Variants in SLC25A26 observed in about 807,000 individuals in gnomAD.
SLC25A26 encodes solute carrier family 25 member 26, also known as mitochondrial S-adenosylmethionine carrier protein.
Under a neutral mutation model 37.8 loss-of-function variants are expected in SLC25A26, and 36 were observed. That is an observed-to-expected ratio of 0.95 (90% CI 0.73 to 1.26). The LOEUF (loss-of-function observed/expected upper bound fraction) is 1.26. Among genes scored for constraint, SLC25A26 ranks in the 50% most tolerant of loss-of-function variants. The probability of loss-of-function intolerance (pLI) is 0.00; values close to 1 mark genes in which losing one functional copy is unlikely to be tolerated. For synonymous variants in SLC25A26, 129 were observed against 122.5 expected (o/e 1.05, Z -0.35); for missense variants, 390 against 331.1 (o/e 1.18, Z -1.38).
chr3:66,208,957 T>TAC (rs1233579813), intron 1 of SLC25A26, among the ~76,000 whole-genome samples: 1 of 106,282 alleles, frequency 9.4e-6, no homozygotes, highest in African/African-American at 3.8e-5. Flanking sequence ...TATATATATA[T>TAC]ACCCATATAA....
intron 6 of SLC25A26, among the ~76,000 whole-genome samples, chr3:66,352,303 C>G (rs1053701114): frequency 1.3e-5 from 2 of 152,184 alleles, no homozygotes; most frequent in Non-Finnish European, 2.9e-5. Flanking sequence ...AGCTTAAGCT[C>G]TGGCTGGCAA....
At chr3:66,250,253 G>T (rs923763890) in intron 3 of SLC25A26, among the ~76,000 whole-genome samples, 5 of 152,174 alleles carry the variant, frequency 3.3e-5, no homozygotes, top group Non-Finnish European at 4.4e-5. Flanking sequence ...CTTACCTAGT[G>T]ATGTGGATTT....
chr3:66,246,142 A>G (rs1406029092), intron 3 of SLC25A26, among the ~76,000 whole-genome samples: 5 of 152,208 alleles, frequency 3.3e-5, no homozygotes, highest in Non-Finnish European at 2.9e-5. Flanking sequence ...AGCATCTGTT[A>G]GTAGTTGGTT....
At chr3:66,270,064 G>A (rs1482080044) in intron 5 of SLC25A26, among the ~76,000 whole-genome samples, 1 of 152,094 alleles carries the variant, frequency 6.6e-6, no homozygotes. Flanking sequence ...AGAAAGGTGA[G>A]GGAGCTCTAA....
Position 66,377,722 on chromosome 3 carries a change from C to A in SLC25A26, c.740C>A (p.Ala247Asp), listed in dbSNP as rs144933969. 2 of 1,613,690 alleles carry A rather than the reference C, an allele frequency of 1.2e-6. No homozygotes were observed. Among genetic ancestry groups the A allele is most frequent in the Non-Finnish European group, 1.7e-6 (2 of 1,179,818 alleles). ...GCAGGTGTCTTCCCTCGAATGGCAG[C>A]CATCAGTCTGGGAGGTTTCATCTTT... Reference protein sequence around the residue: ...LFAGVFPRMAAISLGGFIFLG... With the variant: ...LFAGVFPRMADISLGGFIFLG... The change falls in exon 10 of 10, where the codon GCC becomes GAC. Residue 247 changes from alanine to aspartate, a missense_variant. Ala to Asp is a moderately radical substitution (Grantham distance 126, BLOSUM62 -2). Transcript: ENST00000354883.
chr3:66,282,136 C>T (rs1282191663), intron 5 of SLC25A26, among the ~76,000 whole-genome samples: 7 of 151,932 alleles, frequency 4.6e-5, no homozygotes, highest in East Asian at 1.9e-4. Flanking sequence ...CTCAGCCTCC[C>T]GAGTAGCTGG....
At chr3:66,176,420 C>T (rs988610695) in intron 1 of SLC25A26, among the ~76,000 whole-genome samples, 1 of 152,158 alleles carries the variant, frequency 6.6e-6, no homozygotes. Context: ...TTAGAAGTGA[C>T]AGTCCTTGCT....
At chr3:66,269,464 T>G (rs973856357) in intron 5 of SLC25A26, among the ~76,000 whole-genome samples, 1 of 152,184 alleles carries the variant, frequency 6.6e-6, no homozygotes, top group Non-Finnish European at 1.5e-5. Flanking sequence ...ACTGGCTACT[T>G]ATGTAGGAAA....
chr3:66,368,837 G>A (rs1026745042), intron 7 of SLC25A26, among the ~76,000 whole-genome samples: 1 of 152,046 alleles, frequency 6.6e-6, no homozygotes, highest in Non-Finnish European at 1.5e-5. Context: ...GGGCAACAGA[G>A]CAAGACCCTG....
At chr3:66,371,060 T>TAC in intron 9 of SLC25A26, 5 of 1,265,782 alleles carry the variant, frequency 4.0e-6, no homozygotes, top group Non-Finnish European at 5.2e-6. Context: ...ACCATTGTGC[T>TAC]ACAGAAGTGC....
At chr3:66,331,423 C>A (rs1021566957) in intron 5 of SLC25A26, among the ~76,000 whole-genome samples, 3 of 152,100 alleles carry the variant, frequency 2.0e-5, no homozygotes, top group Non-Finnish European at 4.4e-5. Flanking sequence ...AAAAAAATCC[C>A]ATTTAGTCAT....
At position 66,368,472 on chromosome 3, in the gene SLC25A26, G is replaced by A. The variant is rs919367990; in HGVS notation, c.569-1006G>A. The stretch of plus-strand genomic sequence containing the variant: ...AACGCAAACATGAGAGAGAAGGTTA[G>A]GAAGGAAGCCATAATGTGGAATGTG... On this transcript the variant is annotated intron_variant, in intron 7 of 9. Coordinates refer to ENST00000354883, the MANE Select transcript of SLC25A26 (RefSeq NM_001379210.1). 3.3e-5 allele frequency among the ~76,000 whole-genome samples: 5 copies of A among 152,272 alleles called. No individual in the cohort carries two copies. In the East Asian group the frequency reaches 9.7e-4, roughly 29 times the overall value.
At chr3:66,274,938 A>G (rs2074084367) in intron 5 of SLC25A26, among the ~76,000 whole-genome samples, 2 of 152,268 alleles carry the variant, frequency 1.3e-5, no homozygotes, top group Middle Eastern at 3.4e-3. Flanking sequence ...GCTGCTATAA[A>G]GACACATGCA....
At position 66,177,109 on chromosome 3, in the gene SLC25A26, G is replaced by A. The variant is rs149865395; in HGVS notation, c.-354+43125G>A. Among the ~76,000 whole-genome samples the A allele has an allele frequency of 3.1e-3, 472 of 152,266 alleles. 19 individuals carry two copies. The East Asian group carries it at 0.066, about 21-fold the overall frequency. On this transcript the variant is annotated intron_variant, in intron 1 of 10. Coordinates refer to the SLC25A26 transcript ENST00000676754. ...AACTATCATCCTCTGTCTCCCTTTG[G>A]CATTGGAAGCCTCATATGTTTAATC...
chr3:66,290,851 C>T lies in SLC25A26; in HGVS notation c.453+27472C>T, dbSNP rs543921362. On this transcript the variant is annotated intron_variant, in intron 5 of 9. Coordinates refer to ENST00000354883, the MANE Select transcript of SLC25A26 (RefSeq NM_001379210.1). ...CATAAAATGAATTACGGAGGAGCCC[C>T]TCTTTTTCTATTGTTTGGAATAGTT... Among the ~76,000 whole-genome samples, 6 of 152,290 alleles carry T rather than the reference C, an allele frequency of 3.9e-5. No homozygotes were observed. In the South Asian group the frequency reaches 1.2e-3, roughly 32 times the overall value.
At chr3:66,350,132 A>G (rs2107754853) in intron 6 of SLC25A26, among the ~76,000 whole-genome samples, 1 of 152,248 alleles carries the variant, frequency 6.6e-6, no homozygotes, top group South Asian at 2.1e-4. Context: ...ATATGAAAGG[A>G]TTTCTCCACT....
intron 5 of SLC25A26, among the ~76,000 whole-genome samples, chr3:66,310,985 C>T (rs1337604341): frequency 1.3e-5 from 2 of 152,002 alleles, no homozygotes; most frequent in African/African-American, 4.8e-5. Context: ...TTGATCTTCT[C>T]GAGGAGTATC....
intron 1 of SLC25A26, among the ~76,000 whole-genome samples, chr3:66,223,080 C>T (rs530013875): frequency 6.6e-6 from 1 of 152,232 alleles, no homozygotes; most frequent in East Asian, 1.9e-4. Context: ...TGGCAGATAA[C>T]CCCATTTCAA....
At chr3:66,338,775 T>C (rs948190802) in intron 5 of SLC25A26, among the ~76,000 whole-genome samples, 4 of 152,038 alleles carry the variant, frequency 2.6e-5, no homozygotes, top group African/African-American at 9.6e-5. Context: ...ATGTAGCTTC[T>C]ATCTCTATGA....
Sources: gnomAD v4.1 joint callset for allele counts (sites outside exome capture counted in the v4.1 genomes callset) on GRCh38, gnomAD v4.1.1 for gene constraint, MANE v1.5 for transcripts, NCBI Gene and HGNC (gene_info 2026-07-23, HGNC 2026-07-21) for gene names.